TMIGD3: variants seen among roughly 807,000 people sequenced by gnomAD.
The protein encoded by TMIGD3 is AD026 protein (AD026).
Under a neutral mutation model 28.1 loss-of-function variants are expected in TMIGD3, and 21 were observed. The ratio of observed to expected loss-of-function variants is 0.75; its 90% confidence interval spans 0.53 to 1.08. The LOEUF (loss-of-function observed/expected upper bound fraction) is 1.08. Ranked by LOEUF, TMIGD3 falls within the 50% of genes least tolerant of loss-of-function variation. The pLI is 0.00. For synonymous variants in TMIGD3, 151 were observed against 162.1 expected, an observed-to-expected ratio of 0.93 and a Z score of 0.52; for missense variants, 416 against 435.6, an observed-to-expected ratio of 0.96 and a Z score of 0.40.
rs1179466102 is a variant in TMIGD3 at position 111,502,250 on chromosome 1, T to A, written c.350+755A>T. Among the ~76,000 whole-genome samples, 363 of 76,148 alleles carry A rather than the reference T, an allele frequency of 4.8e-3. 6 individuals carry two copies. Among genetic ancestry groups the A allele is most frequent in the South Asian group, 6.7e-3 (16 of 2,396 alleles). 50.0% of individuals were successfully genotyped at this position (76,148 alleles called of 152,430 possible). A position where few individuals can be genotyped will look rare whatever the true frequency, so the allele number is the denominator to read the frequency against. ...ATAATGAATATATAGGATATATTTATTATAATAAATATATAGGATATATAT... is the reference window on the plus strand; with the variant it reads ...ATAATGAATATATAGGATATATTTAATATAATAAATATATAGGATATATAT... On this transcript the variant is annotated intron_variant, in intron 1 of 5. Transcript: ENST00000369716.
intron 1 of TMIGD3, among the ~76,000 whole-genome samples, chr1:111,552,748 T>G (rs1657319821): frequency 1.3e-5 from 2 of 152,206 alleles, no homozygotes; most frequent in African/African-American, 4.8e-5. Flanking sequence ...ACTTCCTACA[T>G]GCATGACCTG....
At chr1:111,492,403 A>G (rs1027675962) in intron 1 of TMIGD3, among the ~76,000 whole-genome samples, 1 of 152,254 alleles carries the variant, frequency 6.6e-6, no homozygotes, top group Non-Finnish European at 1.5e-5. Flanking sequence ...ATCTCTGACA[A>G]TACTTCATGC....
At chr1:111,518,849 G>C (rs769313013) in intron 1 of TMIGD3, among the ~76,000 whole-genome samples, 36 of 152,222 alleles carry the variant, frequency 2.4e-4, no homozygotes, top group Non-Finnish European at 5.0e-4. Flanking sequence ...GCACAATCTA[G>C]ATGTAAGATT....
intron 1 of TMIGD3, among the ~76,000 whole-genome samples, chr1:111,528,945 G>T (rs1362871793): frequency 6.6e-6 from 1 of 151,878 alleles, no homozygotes; most frequent in East Asian, 1.9e-4. Flanking sequence ...CTATAATCAT[G>T]TCATTTGCAA....
At chr1:111,491,657 G>A (rs1329386988) in intron 1 of TMIGD3, among the ~76,000 whole-genome samples, 2 of 152,130 alleles carry the variant, frequency 1.3e-5, no homozygotes, top group Non-Finnish European at 2.9e-5. Flanking sequence ...CATCACCTCA[G>A]TTGCTCCTCA....
intron 1 of TMIGD3, among the ~76,000 whole-genome samples, chr1:111,545,301 T>A (rs1013764531): frequency 1.1e-4 from 16 of 152,252 alleles, no homozygotes; most frequent in Non-Finnish European, 2.1e-4. Flanking sequence ...TCCTTTTTTT[T>A]AATTAAAGCC....
At chr1:111,517,648 T>A (rs901333098) in intron 1 of TMIGD3, among the ~76,000 whole-genome samples, 4 of 152,260 alleles carry the variant, frequency 2.6e-5, no homozygotes, top group African/African-American at 9.6e-5. Context: ...TATTTTCACA[T>A]CTGTAAAGTG....
At chr1:111,520,675 T>C (rs1320392704) in intron 1 of TMIGD3, among the ~76,000 whole-genome samples, 2 of 152,248 alleles carry the variant, frequency 1.3e-5, no homozygotes, top group Non-Finnish European at 2.9e-5. Context: ...TCAGGAATCC[T>C]GAAATCAACT....
chr1:111,541,874 A>G (rs575675455), intron 1 of TMIGD3, among the ~76,000 whole-genome samples: 1 of 152,282 alleles, frequency 6.6e-6, no homozygotes, highest in East Asian at 1.9e-4. Flanking sequence ...AGTGAATGCA[A>G]TAAAACTGCA....
intron 1 of TMIGD3, among the ~76,000 whole-genome samples, chr1:111,527,290 G>A (rs1656299724): frequency 6.6e-6 from 1 of 152,124 alleles, no homozygotes; most frequent in South Asian, 2.1e-4. Flanking sequence ...GAGATTACAG[G>A]CGTGAGCCAC....
In TMIGD3 at chr1:111,503,480, C is replaced by T. The variant is rs1655362170; in HGVS notation, c.-126G>A. The stretch of plus-strand genomic sequence containing the variant: ...CATGTGCAGTGACAGTCTAAAATTC[C>T]CAACTTGCTCATTCCTACCCTTTTC... On this transcript the variant is annotated 5_prime_UTR_variant, in exon 1 of 6. Coordinates refer to ENST00000369716, the MANE Select transcript of TMIGD3 (RefSeq NM_020683.7). The T allele has an allele frequency of 2.1e-6, 3 of 1,455,834 alleles. No homozygotes were observed. The highest frequency in any genetic ancestry group is 1.8e-6 in the Non-Finnish European group (2 of 1,103,152). The allele number at this position is 1,455,834 out of a possible 1,614,324, so 90.2% of individuals were successfully genotyped here. A position where few individuals can be genotyped will look rare whatever the true frequency, so the allele number is the denominator to read the frequency against.
chr1:111,530,892 A>T (rs1468686224), intron 1 of TMIGD3, among the ~76,000 whole-genome samples: 1 of 152,142 alleles, frequency 6.6e-6, no homozygotes, highest in African/African-American at 2.4e-5. Context: ...AAATTCCTCA[A>T]CCATTACTTC....
chr1:111,537,090 C>G (rs904309735), intron 1 of TMIGD3, among the ~76,000 whole-genome samples: 1 of 152,224 alleles, frequency 6.6e-6, no homozygotes. Context: ...ACTATTTTCA[C>G]CTAACTCTTC....
chr1:111,543,502 A>G (rs549817405), intron 1 of TMIGD3, among the ~76,000 whole-genome samples: 1 of 152,326 alleles, frequency 6.6e-6, no homozygotes, highest in South Asian at 2.1e-4. Flanking sequence ...AATGGAGAGT[A>G]TTCACCAAAA....
upstream of TMIGD3, chr1:111,504,888 T>C: frequency 7.1e-6 from 7 of 985,284 alleles, no homozygotes; most frequent in Non-Finnish European, 8.4e-6. Flanking sequence ...AGACTTGTCA[T>C]TTCTCCCTGA....
intron 1 of TMIGD3, among the ~76,000 whole-genome samples, chr1:111,493,838 G>T (rs1654770572): frequency 6.6e-6 from 1 of 152,170 alleles, no homozygotes; most frequent in African/African-American, 2.4e-5. Context: ...TTATAATACT[G>T]TAAAACTGTA....
In TMIGD3 at chr1:111,541,670, G is replaced by A. The variant is rs186768555; in HGVS notation, c.107+22176C>T. ...AAAAGAGGTAACAAGGAAAATGAGA[G>A]AGAGAGAGAAAGAGAGAGAGAGAGA... is the stretch of plus-strand genomic sequence containing the variant. On this transcript the variant is annotated intron_variant, in intron 1 of 5. Coordinates refer to the TMIGD3 transcript ENST00000369717. Among the ~76,000 whole-genome samples the A allele has an allele frequency of 4.3e-5, 6 of 139,350 alleles. No individual in the cohort carries two copies. The South Asian group carries it at 6.3e-4, about 15-fold the overall frequency. The allele number at this position is 139,350 out of a possible 152,430, so 91.4% of individuals were successfully genotyped here.
chr1:111,488,894 G>T lies in TMIGD3; in HGVS notation c.588C>A (p.Cys196Ter). 1 of 1,614,196 alleles carries T rather than the reference G, an allele frequency of 6.2e-7. No homozygotes were observed. Among genetic ancestry groups the T allele is most frequent in the Non-Finnish European group, 8.5e-7 (1 of 1,180,036 alleles). ...TGTTAGGGGAGAAGGCGATGATGTT[G>T]CAGTAGTCACGGAAATAGCCTCGGC... ...YWCRGYFRDY[C>*]NIIAFSPNST... The change falls in exon 3 of 6, where the codon TGC (cysteine) becomes TGA (stop). Residue 196 changes from cysteine (C) to a stop codon, truncating the protein, a stop_gained. Transcript: ENST00000369716. LOFTEE classifies it high-confidence loss of function.
At chr1:111,492,675 G>T (rs999215103) in intron 1 of TMIGD3, among the ~76,000 whole-genome samples, 4 of 152,026 alleles carry the variant, frequency 2.6e-5, no homozygotes, top group African/African-American at 9.7e-5. Context: ...TTAGCCAGGC[G>T]TGGTGGTGCG....
Sources: gnomAD v4.1 joint callset for allele counts (sites outside exome capture counted in the v4.1 genomes callset) on GRCh38, gnomAD v4.1.1 for gene constraint, MANE v1.5 for transcripts, NCBI Gene and HGNC (gene_info 2026-07-23, HGNC 2026-07-21) for gene names.